The following ZNF700 variants were observed in gnomAD, a reference collection of about 807,000 sequenced individuals.
ZNF700 encodes zinc finger protein 700.
Under a neutral mutation model 65.3 loss-of-function variants are expected in ZNF700, and 38 were observed. That is an observed-to-expected ratio of 0.58 (90% CI 0.45 to 0.76). ZNF700 has a LOEUF of 0.76. Among genes scored for constraint, ZNF700 ranks in the 30% least tolerant of loss-of-function variants. ZNF700 has a pLI of 0.00. For missense variants in ZNF700, 857 were observed against 888.4 expected (o/e 0.96, Z 0.45); for synonymous variants, 285 against 290.4 (o/e 0.98, Z 0.19).
Position 11,950,345 on chromosome 19 carries a change from CTT to C in ZNF700, c.*95_*96del. On this transcript the variant is annotated 3_prime_UTR_variant, in exon 4 of 4. Transcript: ENST00000254321. ...GGCAAAACTTTCACATTTTCCAGTTCTTTTCGATATCATGAAAGGACTCACAC... is the reference window on the plus strand; with the variant it reads ...GGCAAAACTTTCACATTTTCCAGTTCTTCGATATCATGAAAGGACTCACAC... 7.7e-7 allele frequency: 1 copy of C among 1,293,090 alleles called. No homozygotes were observed. The highest frequency in any genetic ancestry group is 2.4e-5 in the East Asian group (1 of 41,816). The allele number at this position is 1,293,090 out of a possible 1,614,324, so 80.1% of individuals were successfully genotyped here. A position where few individuals can be genotyped will look rare whatever the true frequency, so the allele number is the denominator to read the frequency against.
intron 1 of ZNF700, among the ~76,000 whole-genome samples, chr19:11,931,374 A>G (rs1214440711): frequency 6.8e-6 from 1 of 147,966 alleles, no homozygotes; most frequent in Non-Finnish European, 1.5e-5. Context: ...TTATAAGAGC[A>G]CTAATCTCAT....
intron 1 of ZNF700, among the ~76,000 whole-genome samples, chr19:11,937,366 C>T (rs781087936): frequency 4.6e-5 from 7 of 152,068 alleles, no homozygotes; most frequent in East Asian, 3.9e-4. Flanking sequence ...ATTACAGAGA[C>T]GGGGTCTCCC....
chr19:11,939,819 A>G (rs891471083), intron 1 of ZNF700: 1 of 152,078 alleles, frequency 6.6e-6, no homozygotes, highest in Admixed American at 6.5e-5. Flanking sequence ...TTACCAGCTT[A>G]AGGAATTTTA....
In ZNF700 at chr19:11,949,445, A is replaced by G. The variant is rs777013301; in HGVS notation, c.1421A>G (p.Tyr474Cys). 6.2e-6 allele frequency: 10 copies of G among 1,613,182 alleles called. No homozygotes were observed. Among genetic ancestry groups the G allele is most frequent in the Middle Eastern group, 1.6e-4 (1 of 6,080 alleles). ...AGGACTCATACTGGAGAGAAACCCT[A>G]TGAATGTAAGGAATGTGGGAAAGCC... Reference protein sequence around the residue: ...HGRTHTGEKPYECKECGKAFR... With the variant: ...HGRTHTGEKPCECKECGKAFR... The change falls in exon 4 of 4, where the codon TAT becomes TGT. Residue 474 changes from tyrosine to cysteine, a missense_variant. Tyr to Cys is a radical substitution (Grantham distance 194). Transcript: ENST00000254321.
In ZNF700 at chr19:11,950,568, T is replaced by C; in HGVS notation, c.*315T>C. ...ATGTGGGAAAGCCTTCAGATGTGCC[T>C]CGCACCTTCAACGGCATGGAAGGGT... On this transcript the variant is annotated 3_prime_UTR_variant, in exon 4 of 4. Coordinates refer to ENST00000254321, the MANE Select transcript of ZNF700 (RefSeq NM_144566.3). 1.8e-6 allele frequency: 1 copy of C among 549,686 alleles called. No homozygotes were observed. Among genetic ancestry groups the C allele is most frequent in the Non-Finnish European group, 3.4e-6 (1 of 290,164 alleles). 34.1% of individuals were successfully genotyped at this position (549,686 alleles called of 1,614,324 possible).
chr19:11,932,106 A>G (rs911041762), intron 1 of ZNF700, among the ~76,000 whole-genome samples: 8 of 147,268 alleles, frequency 5.4e-5, no homozygotes, highest in African/African-American at 8.1e-5. Flanking sequence ...CCAGGCAGCA[A>G]GAGTGAAACT....
chr19:11,946,581 T>C (rs1369076567), intron 1 of ZNF700, among the ~76,000 whole-genome samples: 2 of 152,206 alleles, frequency 1.3e-5, no homozygotes, highest in Non-Finnish European at 2.9e-5. Flanking sequence ...CTGGATACCC[T>C]GGCTTACAGG....
At position 11,949,609 on chromosome 19, in the gene ZNF700, ACT is replaced by A; in HGVS notation, c.1587_1588del (p.Thr531TrpfsTer6). 1 of 1,613,238 alleles carries A rather than the reference ACT, an allele frequency of 6.2e-7. No homozygotes were observed. Among genetic ancestry groups the A allele is most frequent in the Non-Finnish European group, 8.5e-7 (1 of 1,179,848 alleles). ...CAAGTCATTTCAAACACATGAAAAA[ACT>A]CACACTGGAGAGAAACCCTATGAAT... ...SAKSFQTHEK[T>X]HTGEKPYECN... On this transcript the variant is annotated frameshift_variant, in exon 4 of 4. Coordinates refer to ENST00000254321, the MANE Select transcript of ZNF700 (RefSeq NM_144566.3). LOFTEE classifies it high-confidence loss of function.
intron 1 of ZNF700, among the ~76,000 whole-genome samples, chr19:11,937,803 G>A (rs145083459): frequency 1.3e-4 from 20 of 151,888 alleles, no homozygotes; most frequent in African/African-American, 2.2e-4. Context: ...ATTTTTCTAC[G>A]TTCCTTGTGC....
At chr19:11,935,194 A>AT (rs1972774450) in intron 1 of ZNF700, among the ~76,000 whole-genome samples, 1 of 143,788 alleles carries the variant, frequency 7.0e-6, no homozygotes, top group African/African-American at 2.6e-5. Context: ...AAAAAAAAAA[A>AT]TTACTGTCTT....
chr19:11,932,879 C>T (rs914207601), intron 1 of ZNF700, among the ~76,000 whole-genome samples: 3 of 148,142 alleles, frequency 2.0e-5, no homozygotes, highest in South Asian at 2.1e-4. Flanking sequence ...CCTCGTGATC[C>T]GCCTGCCTCA....
rs765479095 is a variant in ZNF700 at position 11,947,261 on chromosome 19, C to G, written c.144C>G (p.Leu48=). Residue 48 remains leucine, a synonymous_variant, in exon 2 of 4, where the codon CTC becomes CTG. Coordinates refer to ENST00000254321, the MANE Select transcript of ZNF700 (RefSeq NM_144566.3). ...TGCTGGATATTTCCCAGAAGAATCT[C>G]TTCAGGGAAGTGATGCTGGAAACTT... is the stretch of plus-strand genomic sequence containing the variant. The part of the protein sequence containing the change: ...WTLLDISQKN[L]FREVMLETFR... 5.6e-6 allele frequency: 9 copies of G among 1,614,088 alleles called. No homozygotes were observed. Among genetic ancestry groups the G allele is most frequent in the Non-Finnish European group, 5.9e-6 (7 of 1,180,006 alleles).
chr19:11,929,513 A>C (rs1197355679), intron 1 of ZNF700, among the ~76,000 whole-genome samples: 5 of 148,298 alleles, frequency 3.4e-5, no homozygotes, highest in Non-Finnish European at 7.4e-5. Context: ...CTAGGTATGT[A>C]ATTCCAAGGT....
intron 1 of ZNF700, among the ~76,000 whole-genome samples, chr19:11,942,452 C>T (rs1039892658): frequency 3.3e-5 from 5 of 152,094 alleles, no homozygotes; most frequent in African/African-American, 1.2e-4. Context: ...CGTTTTTCTC[C>T]CTGGATTTGT....
chr19:11,926,862 G>C (rs573939394), intron 1 of ZNF700, among the ~76,000 whole-genome samples: 2 of 152,270 alleles, frequency 1.3e-5, no homozygotes, highest in African/African-American at 4.8e-5. Context: ...GTTTATTCAA[G>C]CGGAAGGATA....
chr19:11,937,188 G>A lies in ZNF700; in HGVS notation c.64-9993G>A, dbSNP rs531971856. ...TTGTCATGGTTTTCACAAGTGTTACGTTCTAGAAGTTGTGAGTTTTGCATT... is the reference window on the plus strand; with the variant it reads ...TTGTCATGGTTTTCACAAGTGTTACATTCTAGAAGTTGTGAGTTTTGCATT... On this transcript the variant is annotated intron_variant, in intron 1 of 3. Coordinates refer to ENST00000254321, the MANE Select transcript of ZNF700 (RefSeq NM_144566.3). Among the ~76,000 whole-genome samples, 42 of 152,254 alleles carry A rather than the reference G, an allele frequency of 2.8e-4. No homozygotes were observed. In the South Asian group the frequency reaches 4.2e-3, roughly 15 times the overall value.
Position 11,925,108 on chromosome 19 carries a change from C to T in ZNF700, c.-103C>T, listed in dbSNP as rs1012740696. The T allele has an allele frequency of 2.8e-6, 4 of 1,422,278 alleles. No homozygotes were observed. The highest frequency in any genetic ancestry group is 2.9e-5 in the African/African-American group (2 of 69,850). 88.1% of individuals were successfully genotyped at this position (1,422,278 alleles called of 1,614,324 possible). On this transcript the variant is annotated 5_prime_UTR_variant, in exon 1 of 4. Coordinates refer to ENST00000254321, the MANE Select transcript of ZNF700 (RefSeq NM_144566.3). ...TCCGGAAATGGAGGGGGTCGCTTTC[C>T]TCACCTTCCTCGCTGCGCGGGCGGC...
At chr19:11,944,740 A>G (rs279258) in intron 1 of ZNF700, among the ~76,000 whole-genome samples, 26,259 of 152,206 alleles carry the variant, frequency 0.17, 4,808 homozygotes, top group African/African-American at 0.47. Flanking sequence ...CTTGTATGCC[A>G]GCCGGGACGG....
At position 11,935,233 on chromosome 19, in the gene ZNF700, GTTTTTTTTTTT is replaced by G. The variant is rs1278688727; in HGVS notation, c.63+9971_63+9981del. Among the ~76,000 whole-genome samples, 6 of 93,212 alleles carry G rather than the reference GTTTTTTTTTTT, an allele frequency of 6.4e-5. No individual in the cohort carries two copies. The East Asian group carries it at 2.0e-3, about 31-fold the overall frequency. 61.2% of individuals were successfully genotyped at this position (93,212 alleles called of 152,430 possible). A position where few individuals can be genotyped will look rare whatever the true frequency, so the allele number is the denominator to read the frequency against. On this transcript the variant is annotated intron_variant, in intron 1 of 3. Coordinates refer to ENST00000254321, the MANE Select transcript of ZNF700 (RefSeq NM_144566.3). The stretch of plus-strand genomic sequence containing the variant: ...GGGGAGGTATACTTGGAAAGATCTT[GTTTTTTTTTTT>G]TTTTTTTTTTGAGACTGTGTCTGGC...
Sources: allele counts gnomAD v4.1 joint callset (sites outside exome capture counted in the v4.1 genomes callset), GRCh38; gene constraint gnomAD v4.1.1; transcripts MANE v1.5; gene names NCBI Gene and HGNC (gene_info 2026-07-23, HGNC 2026-07-21).